The following ROBO2 variants were observed in gnomAD, a reference collection of about 807,000 sequenced individuals.
ROBO2 encodes roundabout homolog 2.
A neutral mutation model predicts 160.8 loss-of-function variants in ROBO2; 53 were observed. The observed-to-expected ratio is 0.33, with a 90% CI of 0.26 to 0.41. The LOEUF is 0.41. ROBO2 is among the 10% of genes least tolerant of loss of function. The pLI is 1.00. For synonymous variants in ROBO2, 664 were observed against 611.7 expected (o/e 1.09, Z -1.26); for missense variants, 1,577 against 1,722.4 (o/e 0.92, Z 1.49).
chr3:77,413,606 A>C (rs2076975431), intron 2 of ROBO2, among the ~76,000 whole-genome samples: 1 of 152,252 alleles, frequency 6.6e-6, no homozygotes, highest in African/African-American at 2.4e-5. Flanking sequence ...GAGCTCCGTT[A>C]CAGTAACGTA....
intron 2 of ROBO2, among the ~76,000 whole-genome samples, chr3:77,011,069 C>CTTTCTTTCTTTT (rs1294712966): frequency 1.4e-4 from 16 of 116,010 alleles, no homozygotes; most frequent in South Asian, 5.4e-4. Flanking sequence ...TTCTTTCTTT[C>CTTTCTTTCTTTT]TTTCTTTCTT....
chr3:76,088,037 T>C (rs767899976), intron 2 of ROBO2, among the ~76,000 whole-genome samples: 1 of 152,096 alleles, frequency 6.6e-6, no homozygotes. Context: ...GTGAGAGATA[T>C]ACTATGCTAA....
chr3:76,650,885 G>T (rs2109876987), intron 2 of ROBO2, among the ~76,000 whole-genome samples: 1 of 152,268 alleles, frequency 6.6e-6, no homozygotes, highest in Non-Finnish European at 1.5e-5. Flanking sequence ...GTTAATAGTA[G>T]CTAAAGTGTA....
chr3:77,250,812 A>G (rs1482785481), intron 2 of ROBO2, among the ~76,000 whole-genome samples: 1 of 152,154 alleles, frequency 6.6e-6, no homozygotes, highest in Non-Finnish European at 1.5e-5. Flanking sequence ...TCTTTTTATC[A>G]GGAACTGACT....
At chr3:77,222,367 AGTGG>A (rs1298713257) in intron 2 of ROBO2, among the ~76,000 whole-genome samples, 2 of 152,200 alleles carry the variant, frequency 1.3e-5, no homozygotes, top group Non-Finnish European at 2.9e-5. Flanking sequence ...TTGTTTCCCC[AGTGG>A]GTTACATGTT....
intron 2 of ROBO2, among the ~76,000 whole-genome samples, chr3:76,504,171 T>G (rs888890382): frequency 6.6e-6 from 1 of 152,236 alleles, no homozygotes; most frequent in Non-Finnish European, 1.5e-5. Context: ...TGTTTTACAA[T>G]GTTTGGCCAC....
intron 2 of ROBO2, among the ~76,000 whole-genome samples, chr3:76,018,343 T>C (rs372046094): frequency 1.4e-4 from 22 of 152,104 alleles, no homozygotes; most frequent in East Asian, 7.7e-4. Context: ...TAGTTTAATA[T>C]TGAGAGTAGA....
chr3:76,690,796 A>G (rs905878598), intron 2 of ROBO2, among the ~76,000 whole-genome samples: 1 of 152,124 alleles, frequency 6.6e-6, no homozygotes, highest in Admixed American at 6.6e-5. Context: ...CAAATGATGA[A>G]TTAATAAGCG....
chr3:77,176,838 A>G (rs1579663986), intron 2 of ROBO2, among the ~76,000 whole-genome samples: 1 of 152,002 alleles, frequency 6.6e-6, no homozygotes, highest in African/African-American at 2.4e-5. Flanking sequence ...GTTGTTTCTT[A>G]TATAAAACTT....
intron 2 of ROBO2, among the ~76,000 whole-genome samples, chr3:77,155,685 A>G (rs768324633): frequency 6.6e-6 from 1 of 151,990 alleles, no homozygotes; most frequent in Non-Finnish European, 1.5e-5. Flanking sequence ...TAACACAGCT[A>G]CTCTGTTCTG....
chr3:77,583,668 T>C (rs988570568), intron 16 of ROBO2, among the ~76,000 whole-genome samples: 1 of 152,162 alleles, frequency 6.6e-6, no homozygotes, highest in Non-Finnish European at 1.5e-5. Context: ...TTCTATTGAT[T>C]ATCTTTTCTG....
chr3:76,244,227 T>A lies in ROBO2; in HGVS notation c.109+306625T>A, dbSNP rs138713451. ...TAGAACTTGAGAGACTGCTCAGATG[T>A]AGCAAAGGCTAGCCAGCTGTCCTGG... On this transcript the variant is annotated intron_variant, in intron 2 of 26. Coordinates refer to the ROBO2 transcript ENST00000487694. 1.3e-3 allele frequency among the ~76,000 whole-genome samples: 202 copies of A among 152,334 alleles called. 1 individual carries two copies. The East Asian group carries it at 0.037, about 28-fold the overall frequency.
intron 2 of ROBO2, among the ~76,000 whole-genome samples, chr3:76,308,097 G>A (rs1272899736): frequency 6.6e-6 from 1 of 152,050 alleles, no homozygotes; most frequent in Non-Finnish European, 1.5e-5. Context: ...TCCCTACTTT[G>A]GCTGGGCATG....
At chr3:77,071,131 CT>C (rs2067368402) in intron 1 of ROBO2, among the ~76,000 whole-genome samples, 1 of 152,168 alleles carries the variant, frequency 6.6e-6, no homozygotes, top group Admixed American at 6.5e-5. Flanking sequence ...AGTCTCTTTA[CT>C]TTAAGAACAG....
chr3:77,561,071 A>G (rs1286494120), intron 9 of ROBO2, among the ~76,000 whole-genome samples: 1 of 152,162 alleles, frequency 6.6e-6, no homozygotes, highest in Non-Finnish European at 1.5e-5. Context: ...TTGTACAGAG[A>G]TAATATGGCA....
intron 2 of ROBO2, among the ~76,000 whole-genome samples, chr3:76,591,651 TATTA>T (rs1191632714): frequency 1.3e-5 from 2 of 152,156 alleles, no homozygotes; most frequent in African/African-American, 2.4e-5. Flanking sequence ...AGAACCAAGC[TATTA>T]ATTTATTTAT....
chr3:76,871,287 G>T (rs1261975767), intron 2 of ROBO2, among the ~76,000 whole-genome samples: 1 of 152,102 alleles, frequency 6.6e-6, no homozygotes, highest in Non-Finnish European at 1.5e-5. Flanking sequence ...GGGCGCGGTG[G>T]CTCACGCCTG....
chr3:76,429,898 G>C (rs919328214), intron 2 of ROBO2, among the ~76,000 whole-genome samples: 3 of 152,124 alleles, frequency 2.0e-5, no homozygotes, highest in African/African-American at 7.2e-5. Flanking sequence ...ACTCAGGACT[G>C]ACCCAATTGC....
At chr3:76,607,641 TTGGA>T (rs2087763513) in intron 2 of ROBO2, among the ~76,000 whole-genome samples, 1 of 152,192 alleles carries the variant, frequency 6.6e-6, no homozygotes, top group African/African-American at 2.4e-5. Context: ...CAGTAAATGA[TTGGA>T]TGTTCTATGT....
Sources: allele counts gnomAD v4.1 joint callset (sites outside exome capture counted in the v4.1 genomes callset), GRCh38; gene constraint gnomAD v4.1.1; transcripts MANE v1.5; gene names NCBI Gene and HGNC (gene_info 2026-07-23, HGNC 2026-07-21).